ARID3B: variants seen among roughly 807,000 people sequenced by gnomAD.
ARID3B encodes AT-rich interactive domain-containing protein 3B.
In ARID3B, 10 loss-of-function variants were observed where a neutral mutation model predicts 51.9. That is an observed-to-expected ratio of 0.19 (90% confidence interval 0.12 to 0.33). The LOEUF is 0.33. Ranked by LOEUF, ARID3B falls within the 10% of genes least tolerant of loss-of-function variation. ARID3B has a pLI of 1.00. For synonymous variants in ARID3B, 205 were observed against 279.5 expected (o/e 0.73, Z 2.66); for missense variants, 483 against 716.3 (o/e 0.67, Z 3.72).
intron 2 of ARID3B, among the ~76,000 whole-genome samples, chr15:74,545,519 A>G (rs752604338): frequency 6.6e-6 from 1 of 152,148 alleles, no homozygotes; most frequent in Non-Finnish European, 1.5e-5. Flanking sequence ...TCTCTTTGTG[A>G]CCCATAATAT....
chr15:74,553,026 G>A lies in ARID3B; in HGVS notation c.552+8538G>A, dbSNP rs143016263. ...AACTGCCCAACTGTGTCTCAAAGTG[G>A]GTGTACCATTTTGCATTCCCGTCAG... On this transcript the variant is annotated intron_variant, in intron 2 of 8. Coordinates refer to ENST00000346246, the MANE Select transcript of ARID3B (RefSeq NM_006465.4). Among the ~76,000 whole-genome samples the A allele has an allele frequency of 2.0e-5, 3 of 152,270 alleles. No individual in the cohort carries two copies. The East Asian group carries it at 5.8e-4, about 29-fold the overall frequency.
At chr15:74,594,579 C>T (rs922065051) in intron 8 of ARID3B, among the ~76,000 whole-genome samples, 4 of 152,258 alleles carry the variant, frequency 2.6e-5, no homozygotes, top group African/African-American at 4.8e-5. Context: ...TGGAGACAGG[C>T]GAAAGCCCTA....
At chr15:74,562,654 C>A (rs993141157) in intron 2 of ARID3B, among the ~76,000 whole-genome samples, 7 of 152,154 alleles carry the variant, frequency 4.6e-5, no homozygotes, top group Admixed American at 1.3e-4. Context: ...ACCTGGTCCC[C>A]ATCATAAGTT....
chr15:74,579,171 T>C (rs1313724479), intron 4 of ARID3B, among the ~76,000 whole-genome samples: 2 of 152,210 alleles, frequency 1.3e-5, no homozygotes, highest in African/African-American at 4.8e-5. Flanking sequence ...CTTTGTGCTG[T>C]ATCTCTTGCT....
chr15:74,586,516 C>T (rs2061782211), intron 4 of ARID3B, among the ~76,000 whole-genome samples: 1 of 152,254 alleles, frequency 6.6e-6, no homozygotes, highest in Non-Finnish European at 1.5e-5. Flanking sequence ...CCAATGACTA[C>T]TCAAAATGAA....
chr15:74,579,310 C>T (rs537775966), intron 4 of ARID3B, among the ~76,000 whole-genome samples: 1 of 152,184 alleles, frequency 6.6e-6, no homozygotes, highest in Non-Finnish European at 1.5e-5. Context: ...GCAGAGCAAC[C>T]TGCGCATAAA....
At chr15:74,569,285 T>C (rs1000472700) in intron 2 of ARID3B, among the ~76,000 whole-genome samples, 1 of 151,910 alleles carries the variant, frequency 6.6e-6, no homozygotes, top group Non-Finnish European at 1.5e-5. Context: ...GGGTTGGAGG[T>C]CCCACAGGGG....
At chr15:74,568,102 G>C (rs1255187767) in intron 2 of ARID3B, among the ~76,000 whole-genome samples, 1 of 152,136 alleles carries the variant, frequency 6.6e-6, no homozygotes, top group Non-Finnish European at 1.5e-5. Context: ...TGGAGGGAGG[G>C]GTAAAAAGTT....
chr15:74,593,304 GC>G, intron 8 of ARID3B, 68 bp downstream of exon 8: 1 of 1,441,992 alleles, frequency 6.9e-7, no homozygotes. Flanking sequence ...TCTGCGGCTG[GC>G]CCTGCCTCTT....
chr15:74,565,375 G>T (rs1193067262), intron 2 of ARID3B, among the ~76,000 whole-genome samples: 1 of 152,156 alleles, frequency 6.6e-6, no homozygotes, highest in African/African-American at 2.4e-5. Context: ...GAACTCTCAA[G>T]AATCTCTATA....
intron 2 of ARID3B, among the ~76,000 whole-genome samples, chr15:74,559,501 G>A (rs1309802802): frequency 2.0e-5 from 3 of 152,032 alleles, no homozygotes; most frequent in East Asian, 3.9e-4. Context: ...TCATTTCATT[G>A]TGTGAGGCAG....
intron 2 of ARID3B, among the ~76,000 whole-genome samples, chr15:74,554,742 A>G (rs1411608392): frequency 6.6e-6 from 1 of 151,786 alleles, no homozygotes; most frequent in African/African-American, 2.4e-5. Flanking sequence ...TTCTGTTTTT[A>G]TTCTTCTATT....
chr15:74,573,289 C>T, intron 4 of ARID3B, 85 bp downstream of exon 4: 1 of 1,394,568 alleles, frequency 7.2e-7, no homozygotes, highest in Non-Finnish European at 1.0e-6. Context: ...GACATCCTGG[C>T]CCACTAATCC....
rs772265663 is a variant in ARID3B, at chr15:74,595,650, C to T, written c.1559C>T (p.Thr520Met). 16 of 1,613,204 alleles carry T rather than the reference C, an allele frequency of 9.9e-6. No homozygotes were observed. The highest frequency in any genetic ancestry group is 8.3e-5 in the Admixed American group (5 of 59,948). The change falls in exon 9 of 9, where the codon ACG becomes ATG. Residue 520 changes from threonine (T) to methionine (M), a missense_variant. Coordinates refer to ENST00000346246, the MANE Select transcript of ARID3B (RefSeq NM_006465.4). ...CAGAAGCCTGTGGTCCACCTCATCACGGGGTCTGCTCCCCAGAGCCTCGGC... is the reference window on the plus strand; with the variant it reads ...CAGAAGCCTGTGGTCCACCTCATCATGGGGTCTGCTCCCCAGAGCCTCGGC... Reference protein sequence around the residue: ...FAQKPVVHLITGSAPQSLGSS... With the variant: ...FAQKPVVHLIMGSAPQSLGSS...
chr15:74,573,401 T>C (rs1169389902), intron 4 of ARID3B, 197 bp downstream of exon 4: 3 of 610,910 alleles, frequency 4.9e-6, no homozygotes, highest in Admixed American at 5.7e-5. Context: ...TGGCACAAAG[T>C]AGATGGAATG....
At chr15:74,563,789 G>T (rs1361253092) in intron 2 of ARID3B, among the ~76,000 whole-genome samples, 1 of 152,242 alleles carries the variant, frequency 6.6e-6, no homozygotes, top group Non-Finnish European at 1.5e-5. Flanking sequence ...GGCTGGGCCA[G>T]TTCATGCCTT....
At position 74,541,248 on chromosome 15, in the gene ARID3B, G is replaced by C. The variant is rs908556231; in HGVS notation, c.-160G>C. The stretch of plus-strand genomic sequence containing the variant: ...GCCCCGGCTGTGGCCCCCGGCTGCG[G>C]AGGAGTCCGAGACGCAGCTGCCGCG... On this transcript the variant is annotated 5_prime_UTR_variant, in exon 1 of 9. Transcript: ENST00000346246. 6.6e-6 allele frequency: 1 copy of C among 151,888 alleles called. No homozygotes were observed. Among genetic ancestry groups the C allele is most frequent in the East Asian group, 1.9e-4 (1 of 5,192 alleles). The allele number at this position is 151,888 out of a possible 1,614,324, so 9.4% of individuals were successfully genotyped here. A position where few individuals can be genotyped will look rare whatever the true frequency, so the allele number is the denominator to read the frequency against.
At position 74,550,458 on chromosome 15, in the gene ARID3B, G is replaced by A. The variant is rs550636495; in HGVS notation, c.552+5970G>A. 1.0e-3 allele frequency among the ~76,000 whole-genome samples: 153 copies of A among 152,022 alleles called. 1 individual carries two copies. The highest frequency in any genetic ancestry group is 3.4e-3 in the Middle Eastern group (1 of 294). On this transcript the variant is annotated intron_variant, in intron 2 of 8. Coordinates refer to ENST00000346246, the MANE Select transcript of ARID3B (RefSeq NM_006465.4). ...CTGTAATCCCAGCACTTTGGGAGGC[G>A]GAGGCAGGCGGATCACGAGGTCAGG...
In ARID3B at chr15:74,544,147, A is replaced by G. The variant is rs879020367; in HGVS notation, c.211A>G (p.Arg71Gly). The change falls in exon 2 of 9, where the codon AGA becomes GGA. Residue 71 changes from arginine (R) to glycine (G), a missense_variant. Arg to Gly is a moderately radical substitution (Grantham distance 125). This residue lies in a region of ARID3B where 182 missense variants were observed against 244.5 expected (regional missense o/e 0.74). Coordinates refer to ENST00000346246, the MANE Select transcript of ARID3B (RefSeq NM_006465.4). ...CAGCACTCCCTTAGGTCCCTTAGCC[A>G]GAGTTCCACCCACCGCAGCAGTGGC... ...SGSTPLGPLA[R>G]VPPTAAVAQV... is the part of the protein sequence containing the mutation. 1 of 1,613,920 alleles carries G rather than the reference A, an allele frequency of 6.2e-7. No homozygotes were observed. Among genetic ancestry groups the G allele is most frequent in the Non-Finnish European group, 8.5e-7 (1 of 1,179,824 alleles).
Sources: gnomAD v4.1 joint callset for allele counts (sites outside exome capture counted in the v4.1 genomes callset) on GRCh38, gnomAD v4.1.1 for gene constraint, gnomAD v4.1.1 regional missense constraint, MANE v1.5 for transcripts, NCBI Gene and HGNC (gene_info 2026-07-23, HGNC 2026-07-21) for gene names.